VSIG10: variants seen among roughly 807,000 people sequenced by gnomAD.
VSIG10 encodes V-set and immunoglobulin domain-containing protein 10.
A neutral mutation model predicts 58.7 loss-of-function variants in VSIG10; 48 were observed. That is an observed-to-expected ratio of 0.82 (90% CI 0.65 to 1.04). VSIG10 has a LOEUF of 1.04. Among genes scored for constraint, VSIG10 ranks in the 50% least tolerant of loss-of-function variants. VSIG10 has a pLI of 0.00. For synonymous variants in VSIG10, 260 were observed against 267.1 expected (o/e 0.97, Z 0.26); for missense variants, 628 against 670.0 (o/e 0.94, Z 0.69).
At chr12:118,089,284 C>T (rs1239956127) in intron 2 of VSIG10, among the ~76,000 whole-genome samples, 2 of 152,118 alleles carry the variant, frequency 1.3e-5, no homozygotes, top group Non-Finnish European at 2.9e-5. Flanking sequence ...TGCAAGTTCA[C>T]GTTCATTGCA....
intron 4 of VSIG10, 50 bp from the exon 5 acceptor site, chr12:118,074,042 A>C: frequency 6.6e-7 from 1 of 1,504,722 alleles, no homozygotes. Flanking sequence ...GATTCAAGTC[A>C]TGGCCTGAGA....
chr12:118,102,609 A>G (rs1241912456), intron 1 of VSIG10: 1 of 152,178 alleles, frequency 6.6e-6, no homozygotes, highest in Non-Finnish European at 1.5e-5. Context: ...AAAAAGCAAA[A>G]TAAAATTGTA....
rs1036196050 is a variant in VSIG10 at position 118,079,742 on chromosome 12, G to C, written c.665-136C>G. The C allele has an allele frequency of 3.3e-5, 41 of 1,250,428 alleles. No homozygotes were observed. In the East Asian group the frequency reaches 9.4e-4, roughly 29 times the overall value. 77.5% of individuals were successfully genotyped at this position (1,250,428 alleles called of 1,614,324 possible). ...TAGTGTTAGCATCTAATAGCTCCTAGCACAAATTCATGCCTGACAACAGTC... is the reference window on the plus strand; with the variant it reads ...TAGTGTTAGCATCTAATAGCTCCTACCACAAATTCATGCCTGACAACAGTC... On this transcript the variant is annotated intron_variant, in intron 3 of 8. Transcript: ENST00000359236.
rs778076636 is a variant in VSIG10 at position 118,082,123 on chromosome 12, G to A, written c.664+4C>T. The stretch of plus-strand genomic sequence containing the variant: ...AGCGGGGCAGAGGAGTGCTGCTTAC[G>A]CACAGTAGACCAGGAGCTCGGTGGT... On this transcript the variant is annotated splice_donor_region_variant and intron_variant, in intron 3 of 8. Coordinates refer to ENST00000359236, the MANE Select transcript of VSIG10 (RefSeq NM_019086.6). 2.4e-5 allele frequency: 39 copies of A among 1,612,570 alleles called. No individual in the cohort carries two copies. The East Asian group carries it at 8.5e-4, about 35-fold the overall frequency.
intron 3 of VSIG10, 125 bp from the exon 4 acceptor site, chr12:118,079,731 A>G: frequency 7.6e-7 from 1 of 1,323,962 alleles, no homozygotes. Context: ...GTTAGCATCT[A>G]ATAGCTCCTA....
chr12:118,074,379 C>T (rs1423643702), intron 4 of VSIG10, among the ~76,000 whole-genome samples: 3 of 150,652 alleles, frequency 2.0e-5, no homozygotes, highest in Non-Finnish European at 3.0e-5. Context: ...CCACCGCATC[C>T]GGCCCCAGTC....
intron 2 of VSIG10, among the ~76,000 whole-genome samples, chr12:118,090,283 C>T (rs1416889738): frequency 2.6e-5 from 4 of 152,056 alleles, no homozygotes; most frequent in African/African-American, 7.2e-5. Flanking sequence ...CCAGCCTGGG[C>T]GGCAGAGCAA....
Position 118,073,306 on chromosome 12 carries a change from T to C in VSIG10, c.1219+393A>G, listed in dbSNP as rs113403099. Among the ~76,000 whole-genome samples, 964 of 152,232 alleles carry C rather than the reference T, an allele frequency of 6.3e-3. 12 individuals are homozygous for C. The highest frequency in any genetic ancestry group is 0.022 in the African/African-American group (918 of 41,548). ...TCCCAAAGTGCTGGGATTACAGGCGTGAGCCACTGTGCCCAGCCCTATCGT... is the reference window on the plus strand; with the variant it reads ...TCCCAAAGTGCTGGGATTACAGGCGCGAGCCACTGTGCCCAGCCCTATCGT... On this transcript the variant is annotated intron_variant, in intron 5 of 8. Coordinates refer to ENST00000359236, the MANE Select transcript of VSIG10 (RefSeq NM_019086.6).
chr12:118,075,484 T>A (rs1328739890), intron 4 of VSIG10, among the ~76,000 whole-genome samples: 1 of 152,108 alleles, frequency 6.6e-6, no homozygotes, highest in Non-Finnish European at 1.5e-5. Flanking sequence ...GCCTCCCAAG[T>A]AGCTGGGATT....
At chr12:118,091,742 TTTA>T (rs748680926) in intron 2 of VSIG10, among the ~76,000 whole-genome samples, 3 of 151,840 alleles carry the variant, frequency 2.0e-5, no homozygotes, top group African/African-American at 7.3e-5. Flanking sequence ...ATTTCCCTAT[TTTA>T]TTATTATTAT....
intron 4 of VSIG10, among the ~76,000 whole-genome samples, chr12:118,078,209 A>C (rs1188988788): frequency 6.6e-6 from 1 of 152,122 alleles, no homozygotes; most frequent in Non-Finnish European, 1.5e-5. Context: ...CCCAGGCTGG[A>C]GTGCAGTGGT....
intron 2 of VSIG10, among the ~76,000 whole-genome samples, chr12:118,094,585 T>C (rs368457417): frequency 1.3e-5 from 2 of 152,030 alleles, no homozygotes; most frequent in South Asian, 2.1e-4. Flanking sequence ...GGTTTCACCA[T>C]GTTGGCCAGG....
chr12:118,095,680 T>A lies in VSIG10; in HGVS notation c.214A>T (p.Ser72Cys). The A allele has an allele frequency of 6.2e-7, 1 of 1,613,900 alleles. No individual in the cohort carries two copies. Among genetic ancestry groups the A allele is most frequent in the South Asian group, 1.1e-5 (1 of 91,074 alleles). The change falls in exon 2 of 9, where the codon AGC becomes TGC. Residue 72 changes from serine (S) to cysteine (C), a missense_variant. Ser to Cys is a moderately radical substitution (Grantham distance 112). Transcript: ENST00000359236. The stretch of plus-strand genomic sequence containing the variant: ...AAGCGAGGCTCAGCTGGCCGGAGGC[T>A]AGAGTTGGACGAGAGAAGGAAGACA... ...EPVFLLSSNS[S>C]LRPAEPRFSL...
At chr12:118,087,837 CAAAAAAAA>C (rs10654315) in intron 2 of VSIG10, among the ~76,000 whole-genome samples, 13 of 62,608 alleles carry the variant, frequency 2.1e-4, no homozygotes, top group African/African-American at 7.1e-4. Context: ...GATCCTGTCT[CAAAAAAAA>C]AAAAAAAAAA....
Position 118,103,775 on chromosome 12 carries a change from C to A in VSIG10, c.-104G>T. 8.6e-7 allele frequency: 1 copy of A among 1,165,090 alleles called. No individual in the cohort carries two copies. The highest frequency in any genetic ancestry group is 1.1e-6 in the Non-Finnish European group (1 of 884,692). 72.2% of individuals were successfully genotyped at this position (1,165,090 alleles called of 1,614,324 possible). A position where few individuals can be genotyped will look rare whatever the true frequency, so the allele number is the denominator to read the frequency against. On this transcript the variant is annotated 5_prime_UTR_variant, in exon 1 of 9. Transcript: ENST00000359236. ...GTACCGAGGGCTCCTCCCAGGTCCTCGGAACGGCAGAGTGGCCCCACTTCC... is the reference window on the plus strand; with the variant it reads ...GTACCGAGGGCTCCTCCCAGGTCCTAGGAACGGCAGAGTGGCCCCACTTCC...
Position 118,071,414 on chromosome 12 carries a change from T to C in VSIG10, c.1275A>G (p.Gly425=), listed in dbSNP as rs2032487938. 1.2e-6 allele frequency: 2 copies of C among 1,613,716 alleles called. No individual in the cohort carries two copies. Among genetic ancestry groups the C allele is most frequent in the Middle Eastern group, 1.6e-4 (1 of 6,084 alleles). ...ACAGAAGCCCTGAGATAATGGCCAG[T>C]CCCAGCAGAAGGAGGCTCACAATGG... The part of the protein sequence containing the change: ...VGTIVSLLLL[G]LAIISGLLLH... The change falls in exon 6 of 9, where the codon GGA becomes GGG. Residue 425 remains glycine (G), a synonymous_variant. Coordinates refer to ENST00000359236, the MANE Select transcript of VSIG10 (RefSeq NM_019086.6).
intron 5 of VSIG10, among the ~76,000 whole-genome samples, chr12:118,073,081 T>C (rs1231650168): frequency 6.6e-6 from 1 of 152,172 alleles, no homozygotes; most frequent in African/African-American, 2.4e-5. Context: ...ATTCAAGCAA[T>C]TCTGCCTCAG....
At chr12:118,097,143 T>C (rs765158974) in intron 1 of VSIG10, among the ~76,000 whole-genome samples, 1 of 152,146 alleles carries the variant, frequency 6.6e-6, no homozygotes, top group Non-Finnish European at 1.5e-5. Context: ...GTAACAAACA[T>C]AGCCCCAGTT....
At chr12:118,068,933 C>T (rs1392346707) in intron 7 of VSIG10, among the ~76,000 whole-genome samples, 1 of 152,126 alleles carries the variant, frequency 6.6e-6, no homozygotes, top group Non-Finnish European at 1.5e-5. Context: ...ACCAAAATCT[C>T]TCCCCTTCCT....
Sources: allele counts gnomAD v4.1 joint callset (sites outside exome capture counted in the v4.1 genomes callset), GRCh38; gene constraint gnomAD v4.1.1; transcripts MANE v1.5; gene names NCBI Gene and HGNC (gene_info 2026-07-23, HGNC 2026-07-21).